The following IL1RAPL2 variants were observed in gnomAD, a reference collection of about 807,000 sequenced individuals.
The protein encoded by IL1RAPL2 is interleukin 1 receptor accessory protein like 2, also known as X-linked interleukin-1 receptor accessory protein-like 2.
In IL1RAPL2, 3 loss-of-function variants were observed where a neutral mutation model predicts 44.1. The observed-to-expected ratio is 0.07, with a 90% CI of 0.03 to 0.18. The LOEUF (loss-of-function observed/expected upper bound fraction) is 0.18. Among genes scored for constraint, IL1RAPL2 ranks in the 10% least tolerant of loss-of-function variants. The probability of loss-of-function intolerance (pLI) is 1.00; values close to 1 mark genes in which losing one functional copy is unlikely to be tolerated. For missense variants in IL1RAPL2, 391 were observed against 496.4 expected, an observed-to-expected ratio of 0.79 and a Z score of 2.02; for synonymous variants, 181 against 178.8, an observed-to-expected ratio of 1.01 and a Z score of -0.10.
chrX:105,448,230 G>A (rs1245176817), intron 5 of IL1RAPL2, among the ~76,000 whole-genome samples: 1 of 109,412 alleles, frequency 9.1e-6, no homozygotes, highest in Non-Finnish European at 1.9e-5. Flanking sequence ...TTTGGGTTAA[G>A]TGTGCTGGGT....
intron 10 of IL1RAPL2, among the ~76,000 whole-genome samples, chrX:105,758,322 C>G (rs769144220): frequency 9.0e-5 from 10 of 111,629 alleles, no homozygotes; most frequent in Non-Finnish European, 1.9e-4. Context: ...TATCTTCAGT[C>G]TTTTTGTACT....
At chrX:105,012,598 T>TTCTCTCTCTCTCTCTCTCTC (rs1174323282) in intron 2 of IL1RAPL2, among the ~76,000 whole-genome samples, 5 of 51,724 alleles carry the variant, frequency 9.7e-5, no homozygotes, top group Non-Finnish European at 1.3e-4. Context: ...AACTTTCTCT[T>TTCTCTCTCTCTCTCTCTCTC]TCTCTCTCTC....
intron 1 of IL1RAPL2, among the ~76,000 whole-genome samples, chrX:104,597,602 G>T (rs1199043384): frequency 8.9e-6 from 1 of 111,837 alleles, no homozygotes; most frequent in Non-Finnish European, 1.9e-5. Context: ...TGACTTTGAA[G>T]CTTCTAGCTT....
chrX:105,219,792 T>G (rs1556177695), intron 3 of IL1RAPL2: 2 of 1,161,911 alleles, frequency 1.7e-6, no homozygotes, highest in East Asian at 6.1e-5. Flanking sequence ...AGGTGTGTTC[T>G]GGGGGCAAGG....
chrX:104,601,413 C>T (rs999606013), intron 1 of IL1RAPL2, among the ~76,000 whole-genome samples: 2 of 110,428 alleles, frequency 1.8e-5, no homozygotes, highest in African/African-American at 6.6e-5. Context: ...TGCTATATTG[C>T]TATTTTTAAT....
chrX:105,277,225 A>G (rs1329964727), intron 5 of IL1RAPL2, among the ~76,000 whole-genome samples: 2 of 112,379 alleles, frequency 1.8e-5, no homozygotes, highest in Non-Finnish European at 3.8e-5. Context: ...TGATTATCAC[A>G]TGAACATGTA....
intron 4 of IL1RAPL2, among the ~76,000 whole-genome samples, chrX:105,260,853 TGCCCCTACCGGTGGCTA>T (rs1481310269): frequency 8.9e-6 from 1 of 112,374 alleles, no homozygotes; most frequent in Non-Finnish European, 1.9e-5. Context: ...GGAGGTGCAA[TGCCCCTACCGGTGGCTA>T]GCTGGAATTC....
At chrX:105,176,802 T>C (rs909092782) in intron 2 of IL1RAPL2, among the ~76,000 whole-genome samples, 1 of 110,722 alleles carries the variant, frequency 9.0e-6, no homozygotes, top group African/African-American at 3.3e-5. Flanking sequence ...AGGTGGACTA[T>C]GTGAATGAAT....
At chrX:104,891,366 T>C (rs113440239) in intron 2 of IL1RAPL2, among the ~76,000 whole-genome samples, 1 of 112,329 alleles carries the variant, frequency 8.9e-6, no homozygotes, top group African/African-American at 3.2e-5. Flanking sequence ...GGGGATCGCA[T>C]TGAATCTATA....
chrX:104,901,247 G>C (rs1286809785), intron 2 of IL1RAPL2, among the ~76,000 whole-genome samples: 2 of 73,387 alleles, frequency 2.7e-5, no homozygotes, highest in Non-Finnish European at 4.6e-5. Context: ...CTCTCGCTCT[G>C]TTGCTCAGGC....
intron 5 of IL1RAPL2, among the ~76,000 whole-genome samples, chrX:105,317,674 C>G (rs920521189): frequency 1.8e-5 from 2 of 111,456 alleles, no homozygotes; most frequent in Non-Finnish European, 3.8e-5. Context: ...GGTGGCCAGT[C>G]AGTCTTCAAC....
intron 5 of IL1RAPL2, among the ~76,000 whole-genome samples, chrX:105,328,071 G>A (rs1245811338): frequency 9.0e-6 from 1 of 111,396 alleles, no homozygotes; most frequent in Non-Finnish European, 1.9e-5. Context: ...TTGTGAAGTA[G>A]AAAGTTCTTA....
At chrX:105,573,605 G>A (rs2037030280) in intron 6 of IL1RAPL2, among the ~76,000 whole-genome samples, 1 of 110,821 alleles carries the variant, frequency 9.0e-6, no homozygotes, top group Non-Finnish European at 1.9e-5. Context: ...GGAGGAGTGT[G>A]AGATGACTTT....
At chrX:105,370,263 A>G (rs952906308) in intron 5 of IL1RAPL2, among the ~76,000 whole-genome samples, 5 of 111,381 alleles carry the variant, frequency 4.5e-5, no homozygotes, top group African/African-American at 1.6e-4. Flanking sequence ...GCACATGCAA[A>G]TTTGTTACAT....
At chrX:104,976,066 G>T (rs1199275227) in intron 2 of IL1RAPL2, among the ~76,000 whole-genome samples, 1 of 111,064 alleles carries the variant, frequency 9.0e-6, no homozygotes, top group African/African-American at 3.3e-5. Flanking sequence ...TACAGAATAA[G>T]TCCAATCGTA....
At chrX:104,752,406 T>C (rs1473816448) in intron 2 of IL1RAPL2, among the ~76,000 whole-genome samples, 1 of 110,804 alleles carries the variant, frequency 9.0e-6, no homozygotes, top group Non-Finnish European at 1.9e-5. Flanking sequence ...GATTATAATT[T>C]CTTGGAGTTC....
intron 2 of IL1RAPL2, among the ~76,000 whole-genome samples, chrX:104,903,280 T>G (rs747904404): frequency 8.9e-6 from 1 of 112,195 alleles, no homozygotes; most frequent in Non-Finnish European, 1.9e-5. Context: ...CATTAAGTTA[T>G]CATTTTATAT....
Position 105,665,344 on chromosome X carries a change from C to CGCGTGTGT in IL1RAPL2, c.773-52022_773-52021insCGTGTGTG, listed in dbSNP as rs1197936624. Among the ~76,000 whole-genome samples, 841 of 98,535 alleles carry CGCGTGTGT rather than the reference C, an allele frequency of 8.5e-3. 8 individuals are homozygous for CGCGTGTGT. The highest frequency in any genetic ancestry group is 0.024 in the African/African-American group (669 of 27,492). The allele number at this position is 98,535 out of a possible 115,157, so 85.6% of individuals were successfully genotyped here. On this transcript the variant is annotated intron_variant, in intron 6 of 10. Transcript: ENST00000372582. The stretch of plus-strand genomic sequence containing the variant: ...TATGAGCCTTTATTTTATGCGCGTG[C>CGCGTGTGT]GTGTGTGTGTGTGTGTGTGTGTGTG...
chrX:104,832,347 A>C (rs933706006), intron 2 of IL1RAPL2, among the ~76,000 whole-genome samples: 2 of 111,709 alleles, frequency 1.8e-5, no homozygotes, highest in African/African-American at 6.5e-5. Flanking sequence ...TATTATTAAA[A>C]GTAGCTAATA....
Sources: gnomAD v4.1 joint callset for allele counts (sites outside exome capture counted in the v4.1 genomes callset) on GRCh38, gnomAD v4.1.1 for gene constraint, MANE v1.5 for transcripts, NCBI Gene and HGNC (gene_info 2026-07-23, HGNC 2026-07-21) for gene names.